The following LRRC1 variants were observed in gnomAD, a reference collection of about 807,000 sequenced individuals.
The protein encoded by LRRC1 is leucine-rich repeat-containing protein 1.
LRRC1 carries 28 observed loss-of-function variants against 69.9 expected under a neutral mutation model. That is an observed-to-expected ratio of 0.40 (90% CI 0.30 to 0.55). The LOEUF is 0.55. Ranked by LOEUF, LRRC1 falls within the 20% of genes least tolerant of loss-of-function variation. The pLI is 0.47. For synonymous variants in LRRC1, 236 were observed against 240.2 expected (o/e 0.98, Z 0.16); for missense variants, 498 against 609.0 (o/e 0.82, Z 1.92).
chr6:53,909,628 C>T (rs532788321), intron 10 of LRRC1, among the ~76,000 whole-genome samples: 50 of 151,430 alleles, frequency 3.3e-4, no homozygotes, highest in African/African-American at 1.1e-3. Flanking sequence ...AAAAGAATTC[C>T]GTAGCTATTA....
At chr6:53,916,870 G>C (rs1160922589) in intron 11 of LRRC1, among the ~76,000 whole-genome samples, 1 of 152,120 alleles carries the variant, frequency 6.6e-6, no homozygotes, top group Non-Finnish European at 1.5e-5. Flanking sequence ...GGGCTGGGTT[G>C]GTCATGGACA....
At chr6:53,823,923 GC>G (rs1765185728) in intron 1 of LRRC1, among the ~76,000 whole-genome samples, 1 of 152,108 alleles carries the variant, frequency 6.6e-6, no homozygotes, top group Non-Finnish European at 1.5e-5. Context: ...CCATGTCTTT[GC>G]TATTGTGAGT....
intron 1 of LRRC1, among the ~76,000 whole-genome samples, chr6:53,825,011 A>G (rs990950569): frequency 1.3e-5 from 2 of 152,184 alleles, no homozygotes; most frequent in Non-Finnish European, 2.9e-5. Flanking sequence ...CTTTCACCAT[A>G]TAACAGACTA....
intron 10 of LRRC1, among the ~76,000 whole-genome samples, chr6:53,908,882 C>T (rs765543825): frequency 9.2e-5 from 14 of 152,112 alleles, no homozygotes; most frequent in African/African-American, 1.4e-4. Context: ...TAATGTGAAA[C>T]AATTTCAGCC....
chr6:53,811,774 G>A (rs976597568), intron 1 of LRRC1, among the ~76,000 whole-genome samples: 1 of 152,250 alleles, frequency 6.6e-6, no homozygotes, highest in South Asian at 2.1e-4. Context: ...AGAAGCCTGG[G>A]CTGGGGTTAA....
At chr6:53,863,445 C>T (rs1478403867) in intron 2 of LRRC1, among the ~76,000 whole-genome samples, 4 of 152,288 alleles carry the variant, frequency 2.6e-5, no homozygotes, top group Admixed American at 6.5e-5. Context: ...CCAGGTCTTC[C>T]GCTCCCGGGC....
At chr6:53,873,962 A>AT (rs1409097035) in intron 2 of LRRC1, among the ~76,000 whole-genome samples, 9 of 152,250 alleles carry the variant, frequency 5.9e-5, no homozygotes, top group African/African-American at 1.7e-4. Flanking sequence ...AACCAGAAAT[A>AT]GTGACAAGAA....
At chr6:53,909,973 G>C (rs1338332153) in intron 10 of LRRC1, among the ~76,000 whole-genome samples, 2 of 152,046 alleles carry the variant, frequency 1.3e-5, no homozygotes, top group African/African-American at 4.8e-5. Context: ...CTCCCTTTTT[G>C]AATCACTGAA....
intron 2 of LRRC1, among the ~76,000 whole-genome samples, chr6:53,873,762 A>T (rs1766976274): frequency 6.6e-6 from 1 of 152,148 alleles, no homozygotes; most frequent in Non-Finnish European, 1.5e-5. Flanking sequence ...TCCAGTATGG[A>T]TGCCCTTTAT....
At chr6:53,891,684 G>T (rs73432412) in intron 4 of LRRC1, among the ~76,000 whole-genome samples, 2 of 152,024 alleles carry the variant, frequency 1.3e-5, no homozygotes, top group African/African-American at 4.8e-5. Context: ...ATATATTGTT[G>T]TAAATATATA....
At chr6:53,879,411 G>C (rs185272295) in intron 3 of LRRC1, among the ~76,000 whole-genome samples, 226 of 152,220 alleles carry the variant, frequency 1.5e-3, no homozygotes, top group African/African-American at 5.2e-3. Flanking sequence ...TCAGCCTCCT[G>C]AGTAGCTGGG....
At chr6:53,885,731 G>C (rs1767451655) in intron 4 of LRRC1, among the ~76,000 whole-genome samples, 1 of 152,160 alleles carries the variant, frequency 6.6e-6, no homozygotes, top group African/African-American at 2.4e-5. Context: ...GACTAAGAGG[G>C]GAGGGTAAAA....
chr6:53,836,989 G>A (rs140718909), intron 1 of LRRC1, among the ~76,000 whole-genome samples: 354 of 152,128 alleles, frequency 2.3e-3, no homozygotes, highest in African/African-American at 6.4e-3. Flanking sequence ...ATGCATTTTT[G>A]TGTGCCTGGC....
chr6:53,868,952 A>G (rs1360261464), intron 2 of LRRC1, among the ~76,000 whole-genome samples: 1 of 152,168 alleles, frequency 6.6e-6, no homozygotes, highest in East Asian at 1.9e-4. Context: ...CTCCCTTCTC[A>G]ACTCCTGCAG....
intron 1 of LRRC1, among the ~76,000 whole-genome samples, chr6:53,796,263 A>G (rs1022478612): frequency 6.6e-6 from 1 of 152,208 alleles, no homozygotes; most frequent in African/African-American, 2.4e-5. Flanking sequence ...CGAACTTGTC[A>G]AGCGACATGT....
At chr6:53,872,977 G>A (rs1216737501) in intron 2 of LRRC1, among the ~76,000 whole-genome samples, 2 of 151,862 alleles carry the variant, frequency 1.3e-5, no homozygotes, top group East Asian at 1.9e-4. Flanking sequence ...ATCTGGTCTC[G>A]AAATCCTGAC....
rs1269016728 is a variant in LRRC1 at position 53,913,878 on chromosome 6, G to A, written c.1015G>A (p.Val339Met). 6.2e-7 allele frequency: 1 copy of A among 1,608,388 alleles called. No individual in the cohort carries two copies. Among genetic ancestry groups the A allele is most frequent in the African/African-American group, 1.3e-5 (1 of 74,744 alleles). Residue 339 changes from valine to methionine, a missense_variant, in exon 11 of 14, where the codon GTG (valine) becomes ATG (methionine). Physicochemically the swap from Val to Met is conservative, Grantham distance 21. Transcript: ENST00000370888. ...KEIGGCCSLTVFCVRDNRLTR... is the reference protein window; with the variant it reads ...KEIGGCCSLTMFCVRDNRLTR... ...GATCGGCGGGTGCTGCAGCCTCACT[G>A]TGTTCTGTGTACGTGACAACAGACT...
At chr6:53,831,782 A>G (rs995494420) in intron 1 of LRRC1, among the ~76,000 whole-genome samples, 2 of 152,208 alleles carry the variant, frequency 1.3e-5, no homozygotes, top group African/African-American at 4.8e-5. Flanking sequence ...TACTATGTCA[A>G]TGCCTGAGTC....
At position 53,882,894 on chromosome 6, in the gene LRRC1, GA is replaced by G; in HGVS notation, c.367del (p.Ser123AlafsTer8). 2 of 1,606,754 alleles carry G rather than the reference GA, an allele frequency of 1.2e-6. No individual in the cohort carries two copies. Among genetic ancestry groups the G allele is most frequent in the Non-Finnish European group, 1.7e-6 (2 of 1,176,678 alleles). On this transcript the variant is annotated frameshift_variant, in exon 4 of 14. Coordinates refer to ENST00000370888, the MANE Select transcript of LRRC1 (RefSeq NM_018214.5). LOFTEE classifies it high-confidence loss of function. ...FSGNPLTRLP[E>X]SFPELQNLTC... ...TTGTTTGTTTGATTTTAGGTTGCCA[GA>G]AAGCTTTCCTGAATTACAGAATTTA...
Sources: gnomAD v4.1 joint callset for allele counts (sites outside exome capture counted in the v4.1 genomes callset) on GRCh38, gnomAD v4.1.1 for gene constraint, MANE v1.5 for transcripts, NCBI Gene and HGNC (gene_info 2026-07-23, HGNC 2026-07-21) for gene names.